The following RAB3IP variants were observed in gnomAD, a reference collection of about 807,000 sequenced individuals.
RAB3IP encodes the protein RAB3A interacting protein, also known as rab-3A-interacting protein.
RAB3IP carries 36 observed loss-of-function variants against 59.1 expected under a neutral mutation model. The observed-to-expected ratio is 0.61, with a 90% CI of 0.47 to 0.80. The LOEUF is 0.80. Ranked by LOEUF, RAB3IP falls within the 30% of genes least tolerant of loss-of-function variation. RAB3IP has a pLI of 0.00. For missense variants in RAB3IP, 511 were observed against 536.0 expected (o/e 0.95, Z 0.46); for synonymous variants, 207 against 191.2 (o/e 1.08, Z -0.68).
In RAB3IP at chr12:69,817,219, G is replaced by A. The variant is rs1397143051; in HGVS notation, c.*1773G>A. ...TAAAAAGTAAGACTAAAGAAAATCA[G>A]TATACCCATTAATAATAAATCTTTA... On this transcript the variant is annotated 3_prime_UTR_variant, in exon 11 of 11. Coordinates refer to ENST00000247833, the MANE Select transcript of RAB3IP (RefSeq NM_022456.5). 6.6e-6 allele frequency: 1 copy of A among 152,124 alleles called. No homozygotes were observed. The highest frequency in any genetic ancestry group is 2.4e-5 in the African/African-American group (1 of 41,452). 9.4% of individuals were successfully genotyped at this position (152,124 alleles called of 1,614,324 possible). A position where few individuals can be genotyped will look rare whatever the true frequency, so the allele number is the denominator to read the frequency against.
At chr12:69,811,847 G>A (rs1223160689) in intron 8 of RAB3IP, among the ~76,000 whole-genome samples, 1 of 151,894 alleles carries the variant, frequency 6.6e-6, no homozygotes, top group Non-Finnish European at 1.5e-5. Context: ...TTCTTGTATC[G>A]CTAAAATGTA....
Position 69,804,141 on chromosome 12 carries a change from T to C in RAB3IP, c.1130+2420T>C, listed in dbSNP as rs527546124. Among the ~76,000 whole-genome samples, 99 of 152,082 alleles carry C rather than the reference T, an allele frequency of 6.5e-4. 1 individual carries two copies. The highest frequency in any genetic ancestry group is 2.0e-3 in the African/African-American group (83 of 41,394). On this transcript the variant is annotated intron_variant, in intron 8 of 10. Coordinates refer to ENST00000247833, the MANE Select transcript of RAB3IP (RefSeq NM_022456.5). Reference sequence around the variant, plus strand: ...CAGTGTAAAAGTGTTCCTATTTCTCTACATCCTCTCCAGCACCTGTTGTTT... The same window carrying C: ...CAGTGTAAAAGTGTTCCTATTTCTCCACATCCTCTCCAGCACCTGTTGTTT...
chr12:69,765,549 G>T (rs573514452), intron 3 of RAB3IP, among the ~76,000 whole-genome samples: 18 of 152,258 alleles, frequency 1.2e-4, no homozygotes, highest in African/African-American at 3.9e-4. Flanking sequence ...GTAGTATTTT[G>T]TTGAGGATTT....
rs145460630 is a variant in RAB3IP at position 69,801,805 on chromosome 12, A to G, written c.1130+84A>G. On this transcript the variant is annotated intron_variant, in intron 8 of 10. Transcript: ENST00000247833. ...GCAGTTATTTAGTTTTTCTGGTTTT[A>G]AATGTAGTTATATTTCCCTCAGATT... 7,953 of 834,162 alleles carry G rather than the reference A, an allele frequency of 9.5e-3. 49 individuals are homozygous for G. Among genetic ancestry groups the G allele is most frequent in the Non-Finnish European group, 0.012 (6,099 of 507,968 alleles). 51.7% of individuals were successfully genotyped at this position (834,162 alleles called of 1,614,324 possible). A position where few individuals can be genotyped will look rare whatever the true frequency, so the allele number is the denominator to read the frequency against.
chr12:69,799,861 C>T (rs1015972006), intron 6 of RAB3IP, among the ~76,000 whole-genome samples: 1 of 152,092 alleles, frequency 6.6e-6, no homozygotes, highest in East Asian at 1.9e-4. Context: ...TTAAGAGGAA[C>T]TCCAGCATTT....
intron 1 of RAB3IP, chr12:69,739,807 C>T (rs774654776): frequency 5.6e-6 from 9 of 1,613,392 alleles, no homozygotes; most frequent in South Asian, 1.1e-5. Flanking sequence ...AGTGATGATG[C>T]TGGGTGGAAG....
rs531585436 is a variant in RAB3IP, at chr12:69,779,502, C to G, written c.511-5218C>G. Reference sequence around the variant, plus strand: ...TACTCGAACATTTTCTCTTTTGATGCTATCCCATAGATCTTGTAAGCTTTC... The same window carrying G: ...TACTCGAACATTTTCTCTTTTGATGGTATCCCATAGATCTTGTAAGCTTTC... On this transcript the variant is annotated intron_variant, in intron 3 of 10. Coordinates refer to ENST00000247833, the MANE Select transcript of RAB3IP (RefSeq NM_022456.5). Among the ~76,000 whole-genome samples, 3 of 152,096 alleles carry G rather than the reference C, an allele frequency of 2.0e-5. No homozygotes were observed. The South Asian group carries it at 6.2e-4, about 31-fold the overall frequency.
chr12:69,756,385 A>T lies in RAB3IP; in HGVS notation c.252-20A>T, dbSNP rs747768768. ...GAGCATATGCTGATATTTTCTGAAA[A>T]ATGTCTCTCTCCTTTACAGCTTTCA... is the stretch of plus-strand genomic sequence containing the variant. On this transcript the variant is annotated intron_variant, in intron 2 of 10. Transcript: ENST00000247833. The T allele has an allele frequency of 6.2e-7, 1 of 1,609,666 alleles. No homozygotes were observed. Among genetic ancestry groups the T allele is most frequent in the Admixed American group, 1.7e-5 (1 of 59,330 alleles).
At chr12:69,800,962 G>A (rs139713897) in intron 7 of RAB3IP, among the ~76,000 whole-genome samples, 79 of 152,226 alleles carry the variant, frequency 5.2e-4, no homozygotes, top group African/African-American at 1.6e-3. Context: ...TTATAACGTT[G>A]CTTACCAGGA....
rs746131730 is a variant in RAB3IP at position 69,812,783 on chromosome 12, G to A, written c.1136G>A (p.Cys379Tyr). 6.3e-7 allele frequency: 1 copy of A among 1,596,966 alleles called. No individual in the cohort carries two copies. Among genetic ancestry groups the A allele is most frequent in the Non-Finnish European group, 8.5e-7 (1 of 1,171,134 alleles). Residue 379 changes from cysteine to tyrosine, a missense_variant, in exon 9 of 11, where the codon TGT becomes TAT. Physicochemically the swap from Cys to Tyr is radical, Grantham distance 194. Transcript: ENST00000247833. ...AATTTATCATTATTTCACAGAAAAT[G>A]TGCTCTCACTGGCCAGAGTAAGTCC... Reference protein sequence around the residue: ...SAVECGGPKKCALTGQSKSCK... With the variant: ...SAVECGGPKKYALTGQSKSCK...
chr12:69,807,784 C>T (rs1387182041), intron 8 of RAB3IP, among the ~76,000 whole-genome samples: 5 of 150,352 alleles, frequency 3.3e-5, no homozygotes, highest in Non-Finnish European at 7.4e-5. Flanking sequence ...CTCCTCACCT[C>T]CCAGATGATG....
At chr12:69,803,293 A>T (rs190688584) in intron 8 of RAB3IP, among the ~76,000 whole-genome samples, 3 of 152,238 alleles carry the variant, frequency 2.0e-5, no homozygotes, top group African/African-American at 7.2e-5. Context: ...ATATCGTGGA[A>T]AAAACTAAAG....
rs758669530 is a variant in RAB3IP at position 69,795,247 on chromosome 12, A to C, written c.791A>C (p.Lys264Thr). 1 of 1,614,072 alleles carries C rather than the reference A, an allele frequency of 6.2e-7. No homozygotes were observed. Among genetic ancestry groups the C allele is most frequent in the Admixed American group, 1.7e-5 (1 of 59,998 alleles). The change falls in exon 6 of 11, where the codon AAA becomes ACA. Residue 264 changes from lysine to threonine, a missense_variant. Physicochemically the swap from Lys to Thr is moderately conservative, Grantham distance 78. Transcript: ENST00000247833. ...TTGCCAGGTGGAAAGACACCTTTTA[A>C]AAAGGGGCATACAAGAAATAAAAGC... ...EPLPGGKTPFKKGHTRNKSTS... is the reference protein window; with the variant it reads ...EPLPGGKTPFTKGHTRNKSTS...
At chr12:69,770,702 A>T (rs1872969118) in intron 3 of RAB3IP, among the ~76,000 whole-genome samples, 1 of 152,292 alleles carries the variant, frequency 6.6e-6, no homozygotes, top group South Asian at 2.1e-4. Context: ...TTTAAAAAAA[A>T]GTTTGATTTT....
chr12:69,762,435 A>C (rs1452280311), intron 3 of RAB3IP, among the ~76,000 whole-genome samples: 1 of 152,256 alleles, frequency 6.6e-6, no homozygotes, highest in African/African-American at 2.4e-5. Flanking sequence ...AATCTGCTGT[A>C]AGAGGTTATT....
chr12:69,787,435 T>C (rs1875865847), intron 4 of RAB3IP, among the ~76,000 whole-genome samples: 1 of 152,162 alleles, frequency 6.6e-6, no homozygotes, highest in South Asian at 2.1e-4. Flanking sequence ...CCAACAATAC[T>C]ATGATGCATA....
At position 69,815,627 on chromosome 12, in the gene RAB3IP, T is replaced by C. The variant is rs1367585597; in HGVS notation, c.*181T>C. On this transcript the variant is annotated 3_prime_UTR_variant, in exon 11 of 11. Coordinates refer to ENST00000247833, the MANE Select transcript of RAB3IP (RefSeq NM_022456.5). ...ATCTATGCTGTGTTTGCTTATTCTTTAGTTGAACACACTATGAAGAATTCC... is the reference window on the plus strand; with the variant it reads ...ATCTATGCTGTGTTTGCTTATTCTTCAGTTGAACACACTATGAAGAATTCC... 2 of 423,608 alleles carry C rather than the reference T, an allele frequency of 4.7e-6. No individual in the cohort carries two copies. The highest frequency in any genetic ancestry group is 4.2e-5 in the Admixed American group (1 of 24,008). 26.2% of individuals were successfully genotyped at this position (423,608 alleles called of 1,614,324 possible). A position where few individuals can be genotyped will look rare whatever the true frequency, so the allele number is the denominator to read the frequency against.
At chr12:69,756,287 A>G (rs368275827) in intron 2 of RAB3IP, 118 bp from the exon 3 acceptor site, 1 of 1,002,854 alleles carries the variant, frequency 1.0e-6, no homozygotes, top group Non-Finnish European at 1.5e-6. Flanking sequence ...AGGACATACT[A>G]TTTATTTAAA....
chr12:69,743,737 A>G (rs185243872), intron 1 of RAB3IP, among the ~76,000 whole-genome samples: 168 of 152,290 alleles, frequency 1.1e-3, no homozygotes, highest in African/African-American at 3.6e-3. Context: ...TCAAACTTCA[A>G]TTTCTCCAGT....
Sources: gnomAD v4.1 joint callset for allele counts (sites outside exome capture counted in the v4.1 genomes callset) on GRCh38, gnomAD v4.1.1 for gene constraint, MANE v1.5 for transcripts, NCBI Gene and HGNC (gene_info 2026-07-23, HGNC 2026-07-21) for gene names.